The following AKR1C3 variants were observed in gnomAD, a reference collection of about 807,000 sequenced individuals.
AKR1C3 encodes aldo-keto reductase family 1 member C3.
AKR1C3 carries 48 observed loss-of-function variants against 43.6 expected under a neutral mutation model. The observed-to-expected ratio is 1.10, with a 90% CI of 0.87 to 1.40. The LOEUF (loss-of-function observed/expected upper bound fraction) is 1.40, where lower values mean the gene tolerates loss of function less well. Ranked by LOEUF, AKR1C3 falls within the 40% of genes most tolerant of loss-of-function variation. AKR1C3 has a pLI of 0.00. For missense variants in AKR1C3, 482 were observed against 391.2 expected (o/e 1.23, Z -1.96); for synonymous variants, 162 against 139.6 (o/e 1.16, Z -1.13).
intron 1 of AKR1C3, among the ~76,000 whole-genome samples, chr10:5,059,736 T>TGGCGATA (rs1484760019): frequency 2.6e-5 from 4 of 152,098 alleles, no homozygotes; most frequent in Non-Finnish European, 5.9e-5. Context: ...ACTCAGTGCT[T>TGGCGATA]GGCGATAGGC....
In AKR1C3 at chr10:5,105,573, A is replaced by G. The variant is rs781917548; in HGVS notation, c.847-22A>G. ...TCACAACTGGCAATCTAAAAATAATAAAAGTTTTTTATTTCTGATAGGTTT... is the reference window on the plus strand; with the variant it reads ...TCACAACTGGCAATCTAAAAATAATGAAAGTTTTTTATTTCTGATAGGTTT... On this transcript the variant is annotated intron_variant, in intron 7 of 8. Coordinates refer to ENST00000380554, the MANE Select transcript of AKR1C3 (RefSeq NM_003739.6). The G allele has an allele frequency of 1.6e-5, 25 of 1,596,222 alleles. No homozygotes were observed. In the African/African-American group the frequency reaches 3.2e-4, roughly 21 times the overall value.
At position 5,097,777 on chromosome 10, in the gene AKR1C3, C is replaced by T. The variant is rs982835849; in HGVS notation, c.369+227C>T. 1.5e-5 allele frequency: 19 copies of T among 1,282,282 alleles called. No individual in the cohort carries two copies. In the South Asian group the frequency reaches 2.8e-4, roughly 19 times the overall value. The allele number at this position is 1,282,282 out of a possible 1,614,324, so 79.4% of individuals were successfully genotyped here. A position where few individuals can be genotyped will look rare whatever the true frequency, so the allele number is the denominator to read the frequency against. ...AGTACAGCAACCTCAAAGCCTCTTC[C>T]TCAAAAACTTGAAATTACAATAGTC... On this transcript the variant is annotated intron_variant, in intron 3 of 8. Transcript: ENST00000380554.
chr10:5,104,465 CT>C (rs1388547820), intron 7 of AKR1C3, among the ~76,000 whole-genome samples: 1 of 152,116 alleles, frequency 6.6e-6, no homozygotes, highest in Non-Finnish European at 1.5e-5. Context: ...GACTTATTTA[CT>C]TTTCTGTACT....
rs1180935188 is a variant in AKR1C3, at chr10:5,064,565, A to G, written c.84+15670A>G. Among the ~76,000 whole-genome samples, 7 of 152,228 alleles carry G rather than the reference A, an allele frequency of 4.6e-5. No individual in the cohort carries two copies. The East Asian group carries it at 1.3e-3, about 29-fold the overall frequency. ...TAAACTAAACAGCTTCTACACAGCA[A>G]AAGACACTAGCAACAGAATAAACAG... On this transcript the variant is annotated intron_variant, in intron 1 of 8. Transcript: ENST00000439082.
chr10:5,085,918 G>T (rs1292017388), intron 1 of AKR1C3, among the ~76,000 whole-genome samples: 1 of 151,796 alleles, frequency 6.6e-6, no homozygotes, highest in Non-Finnish European at 1.5e-5. Flanking sequence ...GATCGGTGGT[G>T]ATATCCCCTT....
At chr10:5,081,702 T>C (rs1254636194) in intron 1 of AKR1C3, 1 of 98,512 alleles carries the variant, frequency 1.0e-5, no homozygotes, top group Non-Finnish European at 2.3e-5. Context: ...AAAGGCAGCA[T>C]TACTCCCCAT....
In AKR1C3 at chr10:5,104,392, A is replaced by ACCTCTACCATAATATCTTGACTTTTTAC. The variant is rs111474064; in HGVS notation, c.847-1202_847-1201insCTCTACCATAATATCTTGACTTTTTACC. 3.9e-5 allele frequency among the ~76,000 whole-genome samples: 6 copies of ACCTCTACCATAATATCTTGACTTTTTAC among 152,106 alleles called. No homozygotes were observed. The East Asian group carries it at 1.2e-3, about 29-fold the overall frequency. ...ATTTGCTCACATATCTTGATTTTTT[A>ACCTCTACCATAATATCTTGACTTTTTAC]CTCTACCATAAATGAAACATTCATT... On this transcript the variant is annotated intron_variant, in intron 7 of 8. Transcript: ENST00000380554.
rs781871241 is a variant in AKR1C3 at position 5,097,500 on chromosome 10, C to A, written c.319C>A (p.Gln107Lys). 1.2e-6 allele frequency: 2 copies of A among 1,613,800 alleles called. No homozygotes were observed. Among genetic ancestry groups the A allele is most frequent in the African/African-American group, 2.7e-5 (2 of 75,014 alleles). The change falls in exon 3 of 9, where the codon CAA (glutamine) becomes AAA (lysine). Residue 107 changes from glutamine to lysine, a missense_variant. Coordinates refer to ENST00000380554, the MANE Select transcript of AKR1C3 (RefSeq NM_003739.6). ...PALENSLKKA[Q>K]LDYVDLYLIH... ...CTTGGAAAACTCACTGAAGAAAGCTCAATTGGACTATGTTGACCTCTATCT... is the reference window on the plus strand; with the variant it reads ...CTTGGAAAACTCACTGAAGAAAGCTAAATTGGACTATGTTGACCTCTATCT...
At chr10:5,070,248 G>T (rs781981869) in intron 1 of AKR1C3, among the ~76,000 whole-genome samples, 9 of 152,218 alleles carry the variant, frequency 5.9e-5, no homozygotes, top group African/African-American at 9.6e-5. Flanking sequence ...GCTTCTGCTG[G>T]AATTTCTCCT....
At chr10:5,086,912 T>C (rs1838978327) in intron 1 of AKR1C3, among the ~76,000 whole-genome samples, 1 of 152,096 alleles carries the variant, frequency 6.6e-6, no homozygotes, top group Non-Finnish European at 1.5e-5. Context: ...TGCCTTTTTT[T>C]GTTTTCCATT....
At chr10:5,074,069 T>C (rs782134788) in intron 1 of AKR1C3, among the ~76,000 whole-genome samples, 4 of 152,036 alleles carry the variant, frequency 2.6e-5, no homozygotes, top group Non-Finnish European at 4.4e-5. Flanking sequence ...CAAAAGAATG[T>C]AACCATTTGT....
At chr10:5,050,386 A>C (rs1838129001) in intron 1 of AKR1C3, among the ~76,000 whole-genome samples, 1 of 151,948 alleles carries the variant, frequency 6.6e-6, no homozygotes, top group Non-Finnish European at 1.5e-5. Context: ...CCTTTGTTGG[A>C]ATAATCTATA....
chr10:5,081,883 C>T (rs1838845610), intron 1 of AKR1C3: 1 of 152,156 alleles, frequency 6.6e-6, no homozygotes, highest in Non-Finnish European at 1.5e-5. Flanking sequence ...GAAGAAGAAA[C>T]CAGTGAGCTC....
rs182884954 is a variant in AKR1C3 at position 5,098,003 on chromosome 10, A to C, written c.369+453A>C. On this transcript the variant is annotated intron_variant, in intron 3 of 8. Coordinates refer to ENST00000380554, the MANE Select transcript of AKR1C3 (RefSeq NM_003739.6). ...CATGGTTCTTAAATTAGAAACCCTT[A>C]ATGTGGACTTGCAAAGCTTTATTAT... 4.0e-6 allele frequency: 4 copies of C among 1,011,488 alleles called. No homozygotes were observed. In the Admixed American group the frequency reaches 2.3e-4, roughly 57 times the overall value. The allele number at this position is 1,011,488 out of a possible 1,614,324, so 62.7% of individuals were successfully genotyped here. A position where few individuals can be genotyped will look rare whatever the true frequency, so the allele number is the denominator to read the frequency against.
In AKR1C3 at chr10:5,096,471, T is replaced by C. The variant is rs145911457; in HGVS notation, c.146T>C (p.Ile49Thr). The change falls in exon 2 of 9, where the codon ATA (isoleucine) becomes ACA (threonine). Residue 49 changes from isoleucine (I) to threonine (T), a missense_variant. Transcript: ENST00000380554. Reference protein sequence around the residue: ...KLAIEAGFRHIDSAHLYNNEE... With the variant: ...KLAIEAGFRHTDSAHLYNNEE... ...GCAATAGAAGCTGGGTTCCGCCATA[T>C]AGATTCTGCTCATTTATACAATAAT... The C allele has an allele frequency of 3.7e-5, 59 of 1,613,812 alleles. No individual in the cohort carries two copies. The highest frequency in any genetic ancestry group is 3.3e-4 in the Middle Eastern group (2 of 6,058).
intron 1 of AKR1C3, among the ~76,000 whole-genome samples, chr10:5,076,219 G>T (rs1380584459): frequency 6.6e-6 from 1 of 152,170 alleles, no homozygotes; most frequent in Non-Finnish European, 1.5e-5. Flanking sequence ...GCTATGGTTT[G>T]ATGTGTTCTC....
At position 5,060,357 on chromosome 10, in the gene AKR1C3, G is replaced by T. The variant is rs58090993; in HGVS notation, c.84+11462G>T. Among the ~76,000 whole-genome samples, 1,451 of 152,254 alleles carry T rather than the reference G, an allele frequency of 9.5e-3. 26 individuals are homozygous for T. The highest frequency in any genetic ancestry group is 0.033 in the African/African-American group (1,372 of 41,548). On this transcript the variant is annotated intron_variant, in intron 1 of 8. Coordinates refer to the AKR1C3 transcript ENST00000439082. Reference sequence around the variant, plus strand: ...AGAGCCGATTGGTCTGTTTTACAGAGAGCTGATTGGTCCGTTTTGATGGTG... The same window carrying T: ...AGAGCCGATTGGTCTGTTTTACAGATAGCTGATTGGTCCGTTTTGATGGTG...
At chr10:5,096,833 G>A (rs1030809355) in intron 2 of AKR1C3, among the ~76,000 whole-genome samples, 1 of 152,096 alleles carries the variant, frequency 6.6e-6, no homozygotes, top group Non-Finnish European at 1.5e-5. Context: ...GATTTGACAT[G>A]TGCTATAGAA....
chr10:5,071,814 G>T (rs1838616567), intron 1 of AKR1C3, among the ~76,000 whole-genome samples: 1 of 152,190 alleles, frequency 6.6e-6, no homozygotes, highest in Non-Finnish European at 1.5e-5. Flanking sequence ...CATGGCCCAA[G>T]CAGCCCCTTC....
Sources: gnomAD v4.1 joint callset for allele counts (sites outside exome capture counted in the v4.1 genomes callset) on GRCh38, gnomAD v4.1.1 for gene constraint, MANE v1.5 for transcripts, NCBI Gene and HGNC (gene_info 2026-07-23, HGNC 2026-07-21) for gene names.